Variants in TSHZ3 observed in about 807,000 individuals in gnomAD.
TSHZ3 encodes the protein teashirt homolog 3.
A neutral mutation model predicts 64.5 loss-of-function variants in TSHZ3; 10 were observed. That is an observed-to-expected ratio of 0.16 (90% confidence interval 0.10 to 0.26). TSHZ3 has a LOEUF of 0.26. TSHZ3 is among the 10% of genes least tolerant of loss of function. The pLI is 1.00. For missense variants in TSHZ3, 1,242 were observed against 1,421.7 expected, an observed-to-expected ratio of 0.87 and a Z score of 2.03; for synonymous variants, 608 against 593.1, an observed-to-expected ratio of 1.03 and a Z score of -0.36.
rs567971976 is a variant in TSHZ3, at chr19:31,263,440, G to C, written n.64-20565C>G. On this transcript the variant is annotated intron_variant and non_coding_transcript_variant, in intron 1 of 6. Transcript: ENST00000651361. ...CATAACCTCGCCACCCGCTGCCCAC[G>C]GCTGCCCCCCAGCAGCGAGCACGAG... is the stretch of plus-strand genomic sequence containing the variant. Among the ~76,000 whole-genome samples the C allele has an allele frequency of 3.8e-5, 5 of 131,348 alleles. No homozygotes were observed. The South Asian group carries it at 1.2e-3, about 31-fold the overall frequency. 86.2% of individuals were successfully genotyped at this position (131,348 alleles called of 152,430 possible).
At chr19:31,210,671 G>A (rs1370561266) in intron 4 of TSHZ3, among the ~76,000 whole-genome samples, 1 of 152,122 alleles carries the variant, frequency 6.6e-6, no homozygotes, top group East Asian at 1.9e-4. Context: ...TGAAAAACCT[G>A]CACGATTTTC....
chr19:31,321,515 C>T (rs755432956), intron 1 of TSHZ3, among the ~76,000 whole-genome samples: 3 of 152,204 alleles, frequency 2.0e-5, no homozygotes, highest in Non-Finnish European at 4.4e-5. Flanking sequence ...CTGCCTGAAA[C>T]CTCATGGAAA....
At chr19:31,194,390 C>A (rs554500657) in intron 5 of TSHZ3, among the ~76,000 whole-genome samples, 13 of 152,282 alleles carry the variant, frequency 8.5e-5, no homozygotes, top group African/African-American at 3.1e-4. Context: ...ACTATTCAAC[C>A]AGAGCCTAAC....
At chr19:31,285,473 G>C (rs1976441468) in intron 1 of TSHZ3, among the ~76,000 whole-genome samples, 1 of 102,234 alleles carries the variant, frequency 9.8e-6, no homozygotes, top group African/African-American at 5.4e-5. Context: ...GAGTGATTCT[G>C]TCTCAAAAAA....
At chr19:31,290,999 C>A (rs1389785538) in intron 1 of TSHZ3, among the ~76,000 whole-genome samples, 1 of 152,248 alleles carries the variant, frequency 6.6e-6, no homozygotes, top group Non-Finnish European at 1.5e-5. Flanking sequence ...AGCTGCAATG[C>A]TTTCATCCCA....
intron 1 of TSHZ3, among the ~76,000 whole-genome samples, chr19:31,283,605 C>A (rs751899090): frequency 3.3e-5 from 5 of 152,128 alleles, no homozygotes; most frequent in African/African-American, 1.2e-4. Flanking sequence ...TTGAATGATA[C>A]GGGGCACTTG....
intron 3 of TSHZ3, among the ~76,000 whole-genome samples, chr19:31,231,610 A>C (rs1975541216): frequency 6.6e-6 from 1 of 152,198 alleles, no homozygotes; most frequent in African/African-American, 2.4e-5. Context: ...TCTGAGTTAT[A>C]TATCTTGCCT....
At chr19:31,263,889 T>C (rs1400079215) in intron 1 of TSHZ3, among the ~76,000 whole-genome samples, 2 of 152,096 alleles carry the variant, frequency 1.3e-5, no homozygotes, top group African/African-American at 4.8e-5. Context: ...CTAGTCTCCA[T>C]GGAATGAGTT....
At chr19:31,321,271 T>C (rs1916761590) in intron 1 of TSHZ3, among the ~76,000 whole-genome samples, 1 of 152,184 alleles carries the variant, frequency 6.6e-6, no homozygotes, top group African/African-American at 2.4e-5. Flanking sequence ...GAGAAGGCCA[T>C]GGCTCTCACT....
exon 7 of TSHZ3, among the ~76,000 whole-genome samples, chr19:31,150,595 C>T (rs1402817814): frequency 6.6e-6 from 1 of 152,188 alleles, no homozygotes; most frequent in Non-Finnish European, 1.5e-5. Context: ...GGCTGCCCCA[C>T]TACGGGCAGG....
chr19:31,308,665 C>G (rs952481320), intron 1 of TSHZ3: 1 of 398,434 alleles, frequency 2.5e-6, no homozygotes, highest in Non-Finnish European at 4.4e-6. Flanking sequence ...AGCACGTTCT[C>G]CACCCACCAC....
At chr19:31,180,980 C>T (rs550347941) in intron 5 of TSHZ3, among the ~76,000 whole-genome samples, 9 of 152,214 alleles carry the variant, frequency 5.9e-5, no homozygotes, top group Admixed American at 5.2e-4. Flanking sequence ...TCAGTATATG[C>T]AGAACATCTG....
chr19:31,244,644 A>G (rs1348233720), intron 1 of TSHZ3, among the ~76,000 whole-genome samples: 1 of 151,944 alleles, frequency 6.6e-6, no homozygotes, highest in Non-Finnish European at 1.5e-5. Context: ...ATTCAAAATC[A>G]TTTCTTTTTT....
Position 31,279,675 on chromosome 19 carries a change from C to T in TSHZ3, c.118G>A (p.Glu40Lys), listed in dbSNP as rs1482705102. ...LDPEEHTADG[E>K]PSAKYMCPEK... ...GGGCACATGTACTTGGCCGAGGGCT[C>T]TCCATCTGCCGTATGCTCCTCTGGG... The change falls in exon 2 of 2, where the codon GAG becomes AAG. Residue 40 changes from glutamate (E) to lysine (K), a missense_variant. Physicochemically the swap from Glu to Lys is moderately conservative, Grantham distance 56. Coordinates refer to ENST00000240587, the MANE Select transcript of TSHZ3 (RefSeq NM_020856.4). This position sits in a 1 kb window ranked among gnomAD's most constrained non-coding sequence, Gnocchi z 6.4. The T allele has an allele frequency of 1.3e-6, 2 of 1,586,910 alleles. No homozygotes were observed. Among genetic ancestry groups the T allele is most frequent in the Non-Finnish European group, 8.6e-7 (1 of 1,165,110 alleles).
At chr19:31,325,769 C>A (rs1219170008) in intron 1 of TSHZ3, among the ~76,000 whole-genome samples, 1 of 152,134 alleles carries the variant, frequency 6.6e-6, no homozygotes, top group Non-Finnish European at 1.5e-5. Flanking sequence ...AAAGAAAAGA[C>A]TAGAAGCAAC....
At position 31,235,699 on chromosome 19, in the gene TSHZ3, CTTTTT is replaced by C. The variant is rs34677399; in HGVS notation, n.550+6565_550+6569del. 3.5e-4 allele frequency among the ~76,000 whole-genome samples: 21 copies of C among 59,560 alleles called. No individual in the cohort carries two copies. The East Asian group carries it at 7.1e-3, about 20-fold the overall frequency. 39.1% of individuals were successfully genotyped at this position (59,560 alleles called of 152,430 possible). On this transcript the variant is annotated intron_variant and non_coding_transcript_variant, in intron 3 of 6. Coordinates refer to the TSHZ3 transcript ENST00000651361. ...TTTCTTTCTTTCTTCTCCTCTTCTT[CTTTTT>C]TTTTTTTTTTTTTTTTTTTAATTTG... is the stretch of plus-strand genomic sequence containing the variant.
intron 1 of TSHZ3, among the ~76,000 whole-genome samples, chr19:31,323,070 A>T (rs1254811131): frequency 3.9e-5 from 6 of 152,234 alleles, no homozygotes; most frequent in African/African-American, 1.4e-4. Context: ...GTATTTGGCA[A>T]CCTGCTTTTT....
intron 4 of TSHZ3, among the ~76,000 whole-genome samples, chr19:31,210,015 C>T (rs564528600): frequency 2.6e-5 from 4 of 151,994 alleles, no homozygotes; most frequent in Non-Finnish European, 5.9e-5. Context: ...GGTAACAAGG[C>T]ATAGAGCTTT....
rs565033620 is a variant in TSHZ3, at chr19:31,203,212, G to A, written n.809+1744C>T. On this transcript the variant is annotated intron_variant and non_coding_transcript_variant, in intron 5 of 6. Transcript: ENST00000651361. ...AGCTGGTGGAAGGGCATTCCCAGAA[G>A]AGGAAACACCATGTATGAATGCCCT... Among the ~76,000 whole-genome samples, 88 of 152,258 alleles carry A rather than the reference G, an allele frequency of 5.8e-4. No individual in the cohort carries two copies. The South Asian group carries it at 0.017, about 29-fold the overall frequency.
Sources: gnomAD v4.1 joint callset for allele counts (sites outside exome capture counted in the v4.1 genomes callset) on GRCh38, gnomAD v4.1.1 for gene constraint, Gnocchi (gnomAD v3.1) non-coding constraint, MANE v1.5 for transcripts, NCBI Gene and HGNC (gene_info 2026-07-23, HGNC 2026-07-21) for gene names.